Variants in FMN1 observed in about 807,000 individuals in gnomAD.
FMN1 encodes formin-1.
FMN1 carries 110 observed loss-of-function variants against 132.4 expected under a neutral mutation model. The observed-to-expected ratio is 0.83, with a 90% CI of 0.71 to 0.97. FMN1 has a LOEUF of 0.97. FMN1 is among the 50% of genes least tolerant of loss of function. The probability of loss-of-function intolerance (pLI) is 0.00; values close to 1 mark genes in which losing one functional copy is unlikely to be tolerated. For missense variants in FMN1, 1,792 were observed against 1,705.3 expected, an observed-to-expected ratio of 1.05 and a Z score of -0.90; for synonymous variants, 722 against 651.7, an observed-to-expected ratio of 1.11 and a Z score of -1.64.
intron 8 of FMN1, among the ~76,000 whole-genome samples, chr15:32,968,188 GTA>G (rs1229511424): frequency 1.3e-5 from 2 of 152,170 alleles, no homozygotes; most frequent in Non-Finnish European, 2.9e-5. Context: ...GAGAGAGTTT[GTA>G]TTTTAAGACT....
intron 4 of FMN1, among the ~76,000 whole-genome samples, chr15:33,128,720 T>A (rs1047797360): frequency 6.6e-6 from 1 of 152,170 alleles, no homozygotes; most frequent in Non-Finnish European, 1.5e-5. Flanking sequence ...ACGGTAAGTG[T>A]GACAGCTCTT....
chr15:32,853,991 C>A (rs190871227), intron 17 of FMN1, among the ~76,000 whole-genome samples: 1 of 152,168 alleles, frequency 6.6e-6, no homozygotes, highest in Non-Finnish European at 1.5e-5. Flanking sequence ...AGAATGTGAA[C>A]CACTAATACA....
intron 7 of FMN1, among the ~76,000 whole-genome samples, chr15:33,004,104 T>C (rs1233170462): frequency 6.6e-6 from 1 of 152,076 alleles, no homozygotes; most frequent in South Asian, 2.1e-4. Context: ...GAAGAAAACC[T>C]AGGCAATACC....
intron 4 of FMN1, among the ~76,000 whole-genome samples, chr15:33,131,330 A>C (rs1963538991): frequency 3.0e-5 from 1 of 32,884 alleles, no homozygotes; most frequent in Non-Finnish European, 5.8e-5. Context: ...CTCCATCTCA[A>C]AAAAAAAAAA....
At chr15:33,089,525 T>C (rs566052213) in intron 4 of FMN1, among the ~76,000 whole-genome samples, 1 of 152,352 alleles carries the variant, frequency 6.6e-6, no homozygotes, top group East Asian at 1.9e-4. Context: ...GGTATTAGTC[T>C]AGCTTATTCT....
At chr15:33,041,305 G>A (rs1555387276) in intron 6 of FMN1, among the ~76,000 whole-genome samples, 1 of 149,856 alleles carries the variant, frequency 6.7e-6, no homozygotes, top group Non-Finnish European at 1.5e-5. Context: ...GAAAATATCA[G>A]AAGGAAACCT....
intron 6 of FMN1, among the ~76,000 whole-genome samples, chr15:33,025,161 G>A (rs2035608180): frequency 6.6e-6 from 1 of 152,114 alleles, no homozygotes; most frequent in African/African-American, 2.4e-5. Flanking sequence ...GTTAAGTAGT[G>A]AGTATAATCA....
chr15:32,966,053 A>C (rs1320631444), intron 8 of FMN1, among the ~76,000 whole-genome samples: 1 of 152,108 alleles, frequency 6.6e-6, no homozygotes, highest in Admixed American at 6.5e-5. Context: ...GCGGCATGTT[A>C]AGGGCCACTG....
intron 17 of FMN1, among the ~76,000 whole-genome samples, chr15:32,835,930 G>T (rs1444724438): frequency 6.6e-6 from 1 of 152,064 alleles, no homozygotes; most frequent in Non-Finnish European, 1.5e-5. Flanking sequence ...GCATGATCAT[G>T]GCTCGCTGCA....
intron 12 of FMN1, among the ~76,000 whole-genome samples, chr15:32,904,945 G>A (rs1481125979): frequency 6.6e-6 from 1 of 152,086 alleles, no homozygotes; most frequent in Non-Finnish European, 1.5e-5. Flanking sequence ...CCCAAGCATG[G>A]GATCTTGGAC....
intron 7 of FMN1, among the ~76,000 whole-genome samples, chr15:33,002,157 G>A (rs925544785): frequency 6.6e-6 from 1 of 152,100 alleles, no homozygotes; most frequent in African/African-American, 2.4e-5. Context: ...ATCAATTCTT[G>A]TACATGGTGA....
intron 2 of FMN1, among the ~76,000 whole-genome samples, chr15:33,192,683 C>G (rs1966120000): frequency 6.6e-6 from 1 of 152,108 alleles, no homozygotes; most frequent in Non-Finnish European, 1.5e-5. Flanking sequence ...CTACCATACC[C>G]CATTTGCATC....
intron 2 of FMN1, among the ~76,000 whole-genome samples, chr15:33,189,162 T>A (rs1308676560): frequency 6.6e-6 from 1 of 152,174 alleles, no homozygotes; most frequent in Non-Finnish European, 1.5e-5. Flanking sequence ...AGTACCTCCA[T>A]TATGTGTGAT....
At chr15:33,096,083 G>A (rs1206484903) in intron 4 of FMN1, among the ~76,000 whole-genome samples, 1 of 151,622 alleles carries the variant, frequency 6.6e-6, no homozygotes, top group African/African-American at 2.4e-5. Context: ...ATACAATATG[G>A]CTCTGAGTGT....
At chr15:32,864,388 AC>A (rs2059345903) in intron 16 of FMN1, among the ~76,000 whole-genome samples, 1 of 152,214 alleles carries the variant, frequency 6.6e-6, no homozygotes, top group Non-Finnish European at 1.5e-5. Context: ...GGACTGCTAC[AC>A]CCATTTTCTA....
chr15:32,803,997 T>C (rs2057571483), intron 18 of FMN1, among the ~76,000 whole-genome samples: 1 of 152,102 alleles, frequency 6.6e-6, no homozygotes, highest in African/African-American at 2.4e-5. Context: ...AACCTTATGC[T>C]ACAGGAAAGA....
At chr15:33,190,803 C>T (rs1029345787) in intron 2 of FMN1, among the ~76,000 whole-genome samples, 1 of 152,138 alleles carries the variant, frequency 6.6e-6, no homozygotes, top group Non-Finnish European at 1.5e-5. Context: ...TGTCTATCCT[C>T]CCAGTCAGCA....
intron 4 of FMN1, among the ~76,000 whole-genome samples, chr15:33,089,515 G>A (rs1335835598): frequency 6.6e-6 from 1 of 152,174 alleles, no homozygotes; most frequent in African/African-American, 2.4e-5. Context: ...TAGAATCAAA[G>A]GTATTAGTCT....
At chr15:33,166,329 T>C (rs1211327901) in intron 3 of FMN1, among the ~76,000 whole-genome samples, 1 of 151,662 alleles carries the variant, frequency 6.6e-6, no homozygotes, top group Non-Finnish European at 1.5e-5. Context: ...TTTTTCTTTT[T>C]TTTTTTTTAA....
Sources: allele counts gnomAD v4.1 joint callset (sites outside exome capture counted in the v4.1 genomes callset), GRCh38; gene constraint gnomAD v4.1.1; transcripts MANE v1.5; gene names NCBI Gene and HGNC (gene_info 2026-07-23, HGNC 2026-07-21).